PLEKHG1: variants seen among roughly 807,000 people sequenced by gnomAD.
PLEKHG1 encodes the protein pleckstrin homology domain-containing family G member 1.
A neutral mutation model predicts 100.8 loss-of-function variants in PLEKHG1; 44 were observed. That is an observed-to-expected ratio of 0.44 (90% CI 0.34 to 0.56). The LOEUF (loss-of-function observed/expected upper bound fraction) is 0.56. PLEKHG1 is among the 20% of genes least tolerant of loss of function. PLEKHG1 has a pLI of 0.01. For synonymous variants in PLEKHG1, 640 were observed against 662.5 expected (o/e 0.97, Z 0.52); for missense variants, 1,545 against 1,720.9 (o/e 0.90, Z 1.81).
upstream of PLEKHG1, among the ~76,000 whole-genome samples, chr6:150,717,471 C>T (rs1346018223): frequency 2.0e-5 from 3 of 152,158 alleles, no homozygotes; most frequent in African/African-American, 4.8e-5. Context: ...TGACCCACCA[C>T]GCCCGGCCTG....
chr6:150,728,025 C>T (rs1782045898), intron 1 of PLEKHG1, among the ~76,000 whole-genome samples: 1 of 152,122 alleles, frequency 6.6e-6, no homozygotes, highest in Non-Finnish European at 1.5e-5. Flanking sequence ...ATCAGTTAGC[C>T]CAGTATCTGC....
intron 3 of PLEKHG1, among the ~76,000 whole-genome samples, chr6:150,715,184 A>AT (rs1562455992): frequency 1.3e-5 from 2 of 152,252 alleles, no homozygotes; most frequent in Admixed American, 6.5e-5. Context: ...TTTAGAAATA[A>AT]TTTTTTTTAA....
At chr6:150,732,055 G>A (rs1005703636) in intron 1 of PLEKHG1, among the ~76,000 whole-genome samples, 10 of 148,716 alleles carry the variant, frequency 6.7e-5, no homozygotes, top group East Asian at 4.0e-4. Context: ...TCCGCCTCCC[G>A]GGTTCACGCC....
intron 3 of PLEKHG1, among the ~76,000 whole-genome samples, chr6:150,678,580 T>A (rs1779837490): frequency 6.6e-6 from 1 of 152,200 alleles, no homozygotes; most frequent in African/African-American, 2.4e-5. Flanking sequence ...GGGTAAAGAT[T>A]AATCCAGGTC....
intron 1 of PLEKHG1, among the ~76,000 whole-genome samples, chr6:150,634,246 C>A (rs1469175540): frequency 3.2e-5 from 4 of 124,056 alleles, no homozygotes; most frequent in Non-Finnish European, 6.4e-5. Context: ...CTCGATCTCC[C>A]CCCCAAAAAA....
Position 150,840,272 on chromosome 6 carries a change from TC to T in PLEKHG1, c.3535del (p.His1179ThrfsTer10), listed in dbSNP as rs755488025. The T allele has an allele frequency of 6.2e-7, 1 of 1,614,194 alleles. No homozygotes were observed. The highest frequency in any genetic ancestry group is 2.2e-5 in the East Asian group (1 of 44,886). ...GGATCAGCGCTAAATCTCAGCCTTA[TC>T]ACAGGTCCCAGTCATCTTCCTCCGT... On this transcript the variant is annotated frameshift_variant, in exon 16 of 16. Coordinates refer to ENST00000358517, the Ensembl canonical transcript of PLEKHG1. LOFTEE classifies it low-confidence loss of function (END_TRUNC).
At chr6:150,650,187 G>A (rs991852308) in intron 2 of PLEKHG1, among the ~76,000 whole-genome samples, 1 of 152,288 alleles carries the variant, frequency 6.6e-6, no homozygotes, top group East Asian at 1.9e-4. Flanking sequence ...CTGATGGAAA[G>A]TGAGAAGAAC....
chr6:150,761,099 CTTTTTTTTTTTTTTT>C (rs35068801), intron 2 of PLEKHG1, among the ~76,000 whole-genome samples: 1 of 95,950 alleles, frequency 1.0e-5, no homozygotes, highest in Non-Finnish European at 2.0e-5. Flanking sequence ...TTCTTTTTTT[CTTTTTTTTTTTTTTT>C]TTTTTTTTTG....
intron 1 of PLEKHG1, among the ~76,000 whole-genome samples, chr6:150,723,641 G>C (rs1322864592): frequency 6.6e-6 from 1 of 152,156 alleles, no homozygotes; most frequent in Admixed American, 6.5e-5. Flanking sequence ...AGAGCATTGA[G>C]GTTGGTTTTG....
chr6:150,779,722 T>G (rs969322981), intron 3 of PLEKHG1, among the ~76,000 whole-genome samples: 3 of 151,684 alleles, frequency 2.0e-5, no homozygotes, highest in Non-Finnish European at 4.4e-5. Context: ...TTCCCAGCAC[T>G]TTGGGAGGCC....
chr6:150,606,442 G>T (rs928069554), intron 1 of PLEKHG1, among the ~76,000 whole-genome samples: 1 of 152,178 alleles, frequency 6.6e-6, no homozygotes, highest in Non-Finnish European at 1.5e-5. Flanking sequence ...AATGGAGGAG[G>T]CTCCATTTAG....
In PLEKHG1 at chr6:150,783,100, C is replaced by G. The variant is rs1330157191; in HGVS notation, c.513-3290C>G. The stretch of plus-strand genomic sequence containing the variant: ...TCCAAAACACATGTTTAAAAAAAAA[C>G]TTTGAAATTGAAAATCTGATGGTTG... On this transcript the variant is annotated intron_variant, in intron 3 of 15. Coordinates refer to ENST00000358517, the Ensembl canonical transcript of PLEKHG1. Among the ~76,000 whole-genome samples the G allele has an allele frequency of 2.4e-5, 3 of 127,352 alleles. No individual in the cohort carries two copies. The East Asian group carries it at 7.6e-4, about 32-fold the overall frequency. 83.5% of individuals were successfully genotyped at this position (127,352 alleles called of 152,430 possible). A position where few individuals can be genotyped will look rare whatever the true frequency, so the allele number is the denominator to read the frequency against.
At chr6:150,655,707 C>CACAA (rs1778939155) in intron 3 of PLEKHG1, among the ~76,000 whole-genome samples, 1 of 38,358 alleles carries the variant, frequency 2.6e-5, no homozygotes, top group African/African-American at 8.6e-5. Context: ...GACTCCATCT[C>CACAA]AAAAAAAAAA....
intron 1 of PLEKHG1, among the ~76,000 whole-genome samples, chr6:150,620,549 A>T (rs761018673): frequency 6.6e-6 from 1 of 152,120 alleles, no homozygotes; most frequent in African/African-American, 2.4e-5. Context: ...ACTTATTCCA[A>T]CTGGAGGGTA....
intron 5 of PLEKHG1, among the ~76,000 whole-genome samples, chr6:150,796,532 G>A (rs998601131): frequency 6.6e-6 from 1 of 152,136 alleles, no homozygotes; most frequent in African/African-American, 2.4e-5. Context: ...GGGCTACAAC[G>A]GTAGGAATTT....
intron 3 of PLEKHG1, chr6:150,663,454 A>G (rs1779278962): frequency 6.6e-6 from 1 of 152,116 alleles, no homozygotes; most frequent in African/African-American, 2.4e-5. Flanking sequence ...CAATGAAGAC[A>G]TACTCTAAAG....
At chr6:150,641,147 A>C (rs902056144) in intron 2 of PLEKHG1, among the ~76,000 whole-genome samples, 6 of 152,208 alleles carry the variant, frequency 3.9e-5, no homozygotes, top group Admixed American at 1.3e-4. Context: ...TTGGCTGAAC[A>C]TGCACATAAA....
intron 3 of PLEKHG1, among the ~76,000 whole-genome samples, chr6:150,769,668 C>A (rs1583091904): frequency 6.6e-6 from 1 of 151,572 alleles, no homozygotes; most frequent in African/African-American, 2.4e-5. Context: ...AGCTGCTGTT[C>A]AACATACATG....
chr6:150,620,507 C>T (rs1777254370), intron 1 of PLEKHG1, among the ~76,000 whole-genome samples: 1 of 152,228 alleles, frequency 6.6e-6, no homozygotes. Flanking sequence ...AACACTGTCA[C>T]TCCCTCTATG....
Sources: allele counts gnomAD v4.1 joint callset (sites outside exome capture counted in the v4.1 genomes callset), GRCh38; gene constraint gnomAD v4.1.1; transcripts MANE v1.5; gene names NCBI Gene and HGNC (gene_info 2026-07-23, HGNC 2026-07-21).